Variants in DLC1 observed in about 807,000 individuals in gnomAD.
The protein encoded by DLC1 is DLC1 Rho GTPase activating protein.
In DLC1, 54 loss-of-function variants were observed where a neutral mutation model predicts 140.3. That is an observed-to-expected ratio of 0.38 (90% CI 0.31 to 0.48). The LOEUF is 0.48. DLC1 is among the 20% of genes least tolerant of loss of function. The pLI is 0.96. For synonymous variants in DLC1, 986 were observed against 728.1 expected, an observed-to-expected ratio of 1.35 and a Z score of -5.70; for missense variants, 2,536 against 1,907.0, an observed-to-expected ratio of 1.33 and a Z score of -6.14.
chr8:13,140,401 G>A (rs569158151), intron 5 of DLC1, among the ~76,000 whole-genome samples: 3 of 151,956 alleles, frequency 2.0e-5, no homozygotes, highest in Admixed American at 6.6e-5. Context: ...CCTGGCTAAC[G>A]TTTGTATTAT....
intron 1 of DLC1, among the ~76,000 whole-genome samples, chr8:13,543,696 T>C (rs938874575): frequency 3.3e-5 from 5 of 152,240 alleles, no homozygotes; most frequent in African/African-American, 9.6e-5. Flanking sequence ...TTGTAGCAAC[T>C]TGGATGAAGC....
At chr8:13,278,312 G>C (rs375884994) in intron 5 of DLC1, among the ~76,000 whole-genome samples, 2 of 152,188 alleles carry the variant, frequency 1.3e-5, no homozygotes, top group African/African-American at 2.4e-5. Context: ...CCCAGAGTTT[G>C]TGTGTGTTTC....
chr8:13,226,500 C>A (rs1397240465), intron 5 of DLC1, among the ~76,000 whole-genome samples: 2 of 152,116 alleles, frequency 1.3e-5, no homozygotes, highest in Non-Finnish European at 1.5e-5. Flanking sequence ...ACAGTTGGTC[C>A]TATGGCCAGT....
rs150296495 is a variant in DLC1 at position 13,477,661 on chromosome 8, C to T, written c.1023+21388G>A. Among the ~76,000 whole-genome samples, 410 of 152,136 alleles carry T rather than the reference C, an allele frequency of 2.7e-3. 1 individual carries two copies. Among genetic ancestry groups the T allele is most frequent in the African/African-American group, 9.6e-3 (399 of 41,496 alleles). ...GCTTGTATAAGAGAGAATACTGGAT[C>T]CAGAGAGATGGCAAACAATTTATCA... On this transcript the variant is annotated intron_variant, in intron 2 of 17. Coordinates refer to ENST00000276297, the MANE Select transcript of DLC1 (RefSeq NM_182643.3).
chr8:13,420,393 A>C (rs289600), intron 2 of DLC1, among the ~76,000 whole-genome samples: 1 of 152,118 alleles, frequency 6.6e-6, no homozygotes, highest in Non-Finnish European at 1.5e-5. Flanking sequence ...ATTGCCAATA[A>C]CTGACTATTT....
rs902029762 is a variant in DLC1 at position 13,132,892 on chromosome 8, C to T, written c.1349-17235G>A. 30 of 1,556,242 alleles carry T rather than the reference C, an allele frequency of 1.9e-5. No individual in the cohort carries two copies. The Middle Eastern group carries it at 6.6e-4, about 34-fold the overall frequency. ...GACACTTTCTCGCGGCGGGTCCCCT[C>T]CGCAGCCCGCTCCCGCGGCCAGCCC... On this transcript the variant is annotated intron_variant, in intron 5 of 17. Transcript: ENST00000276297.
intron 6 of DLC1, among the ~76,000 whole-genome samples, chr8:13,112,567 C>T (rs1350033843): frequency 6.6e-6 from 1 of 152,098 alleles, no homozygotes; most frequent in Non-Finnish European, 1.5e-5. Context: ...GACCAAGTCT[C>T]TCTTAGACAA....
rs79559679 is a variant in DLC1, at chr8:13,467,462, T to C, written c.1023+31587A>G. Reference sequence around the variant, plus strand: ...GTCTCTTCTTATATTCCTTTTTTTTTCTTTTTAATGGATGTTGGACTGGAT... The same window carrying C: ...GTCTCTTCTTATATTCCTTTTTTTTCCTTTTTAATGGATGTTGGACTGGAT... On this transcript the variant is annotated intron_variant, in intron 2 of 17. Coordinates refer to ENST00000276297, the MANE Select transcript of DLC1 (RefSeq NM_182643.3). Among the ~76,000 whole-genome samples, 1,401 of 151,944 alleles carry C rather than the reference T, an allele frequency of 9.2e-3. 23 individuals are homozygous for C. The highest frequency in any genetic ancestry group is 0.032 in the African/African-American group (1,338 of 41,452).
chr8:13,541,388 G>A (rs193179272), intron 1 of DLC1, among the ~76,000 whole-genome samples: 77 of 152,264 alleles, frequency 5.1e-4, no homozygotes, highest in African/African-American at 1.6e-3. Context: ...CTGTTCCAAT[G>A]TGGCTGAACT....
chr8:13,458,491 A>C (rs1214247128), intron 2 of DLC1, among the ~76,000 whole-genome samples: 1 of 152,200 alleles, frequency 6.6e-6, no homozygotes, highest in Non-Finnish European at 1.5e-5. Flanking sequence ...TGAGCTCATT[A>C]AGTAATTCCC....
intron 2 of DLC1, among the ~76,000 whole-genome samples, chr8:13,461,422 G>C (rs368299990): frequency 2.0e-4 from 31 of 152,180 alleles, no homozygotes; most frequent in African/African-American, 7.5e-4. Context: ...TAATGTATTT[G>C]CCTCTCCCTG....
Position 13,479,853 on chromosome 8 carries a change from GA to G in DLC1, c.1023+19195del, listed in dbSNP as rs879619553. ...AGAAGAAGAAGAAGAAGAAGAAGAAGAAGAAGAGAAAAAGAAAGAAAGAAAG... is the reference window on the plus strand; with the variant it reads ...AGAAGAAGAAGAAGAAGAAGAAGAAGAGAAGAGAAAAAGAAAGAAAGAAAG... On this transcript the variant is annotated intron_variant, in intron 2 of 17. Transcript: ENST00000276297. 4.0e-3 allele frequency among the ~76,000 whole-genome samples: 200 copies of G among 49,938 alleles called. 8 individuals are homozygous for G. The highest frequency in any genetic ancestry group is 0.029 in the Middle Eastern group (2 of 68). 32.8% of individuals were successfully genotyped at this position (49,938 alleles called of 152,430 possible).
chr8:13,533,020 A>G (rs1203943587), intron 1 of DLC1, among the ~76,000 whole-genome samples: 2 of 152,240 alleles, frequency 1.3e-5, no homozygotes, highest in Non-Finnish European at 2.9e-5. Context: ...ATTTGGAACT[A>G]GCCTGTGGAA....
intron 5 of DLC1, among the ~76,000 whole-genome samples, chr8:13,156,440 C>T (rs950727066): frequency 3.3e-5 from 5 of 152,154 alleles, no homozygotes; most frequent in Admixed American, 2.0e-4. Context: ...TCTCACTATG[C>T]TTTACATTGT....
At chr8:13,183,522 T>C (rs922462497) in intron 5 of DLC1, among the ~76,000 whole-genome samples, 3 of 152,228 alleles carry the variant, frequency 2.0e-5, no homozygotes, top group South Asian at 2.1e-4. Context: ...GTTTTTAGCA[T>C]GAAGGGCTGT....
At position 13,269,309 on chromosome 8, in the gene DLC1, C is replaced by G. The variant is rs551550967; in HGVS notation, c.1348+35960G>C. On this transcript the variant is annotated intron_variant, in intron 5 of 17. Transcript: ENST00000276297. The stretch of plus-strand genomic sequence containing the variant: ...TCCATGGCTAGGTCTTCATCAATAA[C>G]TACAGCTTCAGAAATGTTAGTGGTT... 1.1e-4 allele frequency among the ~76,000 whole-genome samples: 16 copies of G among 152,340 alleles called. 2 individuals are homozygous for G. Among genetic ancestry groups the G allele is most frequent in the African/African-American group, 3.8e-4 (16 of 41,576 alleles).
intron 5 of DLC1, among the ~76,000 whole-genome samples, chr8:13,228,751 T>TG (rs1828913909): frequency 6.6e-6 from 1 of 152,010 alleles, no homozygotes; most frequent in Non-Finnish European, 1.5e-5. Context: ...CTCTGTCTCT[T>TG]TAAAAACAAT....
chr8:13,145,001 G>A (rs1296492900), intron 5 of DLC1, among the ~76,000 whole-genome samples: 1 of 151,984 alleles, frequency 6.6e-6, no homozygotes, highest in East Asian at 1.9e-4. Context: ...CACATTCTCT[G>A]ACCAAATGCA....
intron 4 of DLC1, among the ~76,000 whole-genome samples, chr8:13,356,436 C>T (rs907502674): frequency 6.6e-6 from 1 of 152,164 alleles, no homozygotes; most frequent in Admixed American, 6.5e-5. Flanking sequence ...GTCCTTTATC[C>T]TATTCCATGT....
Sources: allele counts gnomAD v4.1 joint callset (sites outside exome capture counted in the v4.1 genomes callset), GRCh38; gene constraint gnomAD v4.1.1; transcripts MANE v1.5; gene names NCBI Gene and HGNC (gene_info 2026-07-23, HGNC 2026-07-21).